PPFIBP2: variants seen among roughly 807,000 people sequenced by gnomAD.
The protein encoded by PPFIBP2 is liprin-beta-2.
Under a neutral mutation model 118.3 loss-of-function variants are expected in PPFIBP2, and 118 were observed. That is an observed-to-expected ratio of 1.00 (90% CI 0.86 to 1.16). PPFIBP2 has a LOEUF of 1.16. PPFIBP2 is among the 50% of genes most tolerant of loss of function. The pLI is 0.00. For missense variants in PPFIBP2, 1,195 were observed against 1,073.1 expected, an observed-to-expected ratio of 1.11 and a Z score of -1.59; for synonymous variants, 414 against 397.4, an observed-to-expected ratio of 1.04 and a Z score of -0.50.
At chr11:7,605,800 G>A in intron 5 of PPFIBP2, 2 of 1,383,666 alleles carry the variant, frequency 1.4e-6, no homozygotes, top group African/African-American at 1.5e-5. Flanking sequence ...GTGGCCAGAG[G>A]AGAGAATTTC....
chr11:7,577,320 CGTGTGTGTGTGTGT>C (rs148907232), intron 3 of PPFIBP2: 10 of 219,712 alleles, frequency 4.6e-5, no homozygotes, highest in African/African-American at 2.0e-4. Flanking sequence ...CATGTATGTG[CGTGTGTGTGTGTGT>C]GTGTGTGTGT....
chr11:7,547,714 G>A (rs561397260), intron 1 of PPFIBP2, among the ~76,000 whole-genome samples: 1 of 152,206 alleles, frequency 6.6e-6, no homozygotes, highest in South Asian at 2.1e-4. Flanking sequence ...GCCCTGAGGT[G>A]CCACTGAAGT....
At chr11:7,614,512 A>C (rs1848418320) in intron 6 of PPFIBP2, among the ~76,000 whole-genome samples, 1 of 152,198 alleles carries the variant, frequency 6.6e-6, no homozygotes, top group Admixed American at 6.5e-5. Flanking sequence ...TTATTTAATC[A>C]GTCGTCTCTC....
chr11:7,629,298 C>A (rs140760788), intron 9 of PPFIBP2, among the ~76,000 whole-genome samples, 161 bp from the exon 10 acceptor site: 8 of 152,190 alleles, frequency 5.3e-5, no homozygotes, highest in African/African-American at 1.9e-4. Flanking sequence ...AGGCAGACCA[C>A]TGAAATCCCA....
downstream of PPFIBP2, among the ~76,000 whole-genome samples, chr11:7,655,255 G>C (rs563997537): frequency 2.6e-5 from 4 of 152,166 alleles, no homozygotes; most frequent in African/African-American, 9.7e-5. Flanking sequence ...CAGGAAACAG[G>C]AGCAGCATGT....
intron 7 of PPFIBP2, among the ~76,000 whole-genome samples, chr11:7,625,048 C>T (rs955289057): frequency 6.6e-6 from 1 of 152,086 alleles, no homozygotes; most frequent in Non-Finnish European, 1.5e-5. Flanking sequence ...TACTTAATGG[C>T]GACATGGGAA....
chr11:7,643,616 G>A (rs1019239934), intron 17 of PPFIBP2, among the ~76,000 whole-genome samples: 1 of 152,220 alleles, frequency 6.6e-6, no homozygotes, highest in African/African-American at 2.4e-5. Context: ...GGTGCAAAAT[G>A]AATTTGCTCG....
At chr11:7,533,431 C>G (rs1263094331) in intron 1 of PPFIBP2, among the ~76,000 whole-genome samples, 2 of 152,346 alleles carry the variant, frequency 1.3e-5, no homozygotes, top group East Asian at 3.9e-4. Context: ...GTGCCAGGTT[C>G]TTTGCTGGGC....
At chr11:7,613,893 C>T (rs557221234) in intron 6 of PPFIBP2, among the ~76,000 whole-genome samples, 111 of 152,234 alleles carry the variant, frequency 7.3e-4, no homozygotes, top group African/African-American at 2.6e-3. Context: ...CAGGGGTACA[C>T]GTGAGCAAGA....
chr11:7,551,908 A>ATG (rs777323004), intron 2 of PPFIBP2, among the ~76,000 whole-genome samples: 20 of 152,164 alleles, frequency 1.3e-4, no homozygotes, highest in Non-Finnish European at 2.8e-4. Context: ...AGAATCTGGG[A>ATG]TGTGTGTGGA....
the PPFIBP2 span, chr11:7,666,545 C>CTCTG: frequency 2.5e-6 from 4 of 1,612,502 alleles, no homozygotes; most frequent in African/African-American, 5.3e-5. Flanking sequence ...AGATATCCTC[C>CTCTG]TCTGTCTAGA....
downstream of PPFIBP2, among the ~76,000 whole-genome samples, chr11:7,654,107 A>G (rs1854463299): frequency 2.6e-5 from 4 of 152,232 alleles, no homozygotes. Context: ...TGGGGAGACA[A>G]GAAGGCACCT....
intron 3 of PPFIBP2, among the ~76,000 whole-genome samples, chr11:7,589,175 G>T (rs1858759733): frequency 6.6e-6 from 1 of 152,148 alleles, no homozygotes; most frequent in African/African-American, 2.4e-5. Flanking sequence ...TAATGTCATT[G>T]GTTGAGTAAA....
intron 1 of PPFIBP2, among the ~76,000 whole-genome samples, chr11:7,515,321 G>A (rs1418207487): frequency 6.6e-6 from 1 of 152,214 alleles, no homozygotes; most frequent in Non-Finnish European, 1.5e-5. Context: ...TTGGTGATGT[G>A]ACAGTTGTTA....
chr11:7,568,908 C>T (rs770646930), intron 3 of PPFIBP2: 7 of 152,372 alleles, frequency 4.6e-5, no homozygotes, highest in Non-Finnish European at 7.3e-5. Flanking sequence ...TATGGATGCA[C>T]ACCTTAGGTC....
rs114471697 is a variant in PPFIBP2, at chr11:7,568,011, G to A, written c.279+2244G>A. Among the ~76,000 whole-genome samples, 1,077 of 152,294 alleles carry A rather than the reference G, an allele frequency of 7.1e-3. 9 individuals are homozygous for A. The highest frequency in any genetic ancestry group is 0.024 in the African/African-American group (989 of 41,548). On this transcript the variant is annotated intron_variant, in intron 3 of 23. Transcript: ENST00000299492. Reference sequence around the variant, plus strand: ...ACTAGTAAGATGGTTTGAAGGATTAGGCAGCACTGCCCAGCGCCTTCTCAT... The same window carrying A: ...ACTAGTAAGATGGTTTGAAGGATTAAGCAGCACTGCCCAGCGCCTTCTCAT...
the PPFIBP2 span, chr11:7,665,142 A>AAGAT: frequency 9.7e-6 from 4 of 411,956 alleles, no homozygotes; most frequent in Non-Finnish European, 1.3e-5. Context: ...ACCACGGAGA[A>AAGAT]AGATACTGAA....
At chr11:7,666,682 C>T in the PPFIBP2 span, 208,046 of 590,442 alleles carry the variant, frequency 0.35, 40,928 homozygotes, top group Non-Finnish European at 0.41. Context: ...CCAACTCCCA[C>T]GGCAAACAAG....
At position 7,549,559 on chromosome 11, in the gene PPFIBP2, G is replaced by A. The variant is rs1225056589; in HGVS notation, c.64+20G>A. On this transcript the variant is annotated intron_variant, in intron 2 of 23. Transcript: ENST00000299492. ...TTGCAGGTACGCCCAGGGAACCCCA[G>A]CAACCAAGGTCTCATCCTCCACATT... 2.0e-6 allele frequency: 3 copies of A among 1,537,532 alleles called. No homozygotes were observed. The highest frequency in any genetic ancestry group is 2.6e-6 in the Non-Finnish European group (3 of 1,141,878).
Sources: allele counts gnomAD v4.1 joint callset (sites outside exome capture counted in the v4.1 genomes callset), GRCh38; gene constraint gnomAD v4.1.1; transcripts MANE v1.5; gene names NCBI Gene and HGNC (gene_info 2026-07-23, HGNC 2026-07-21).